ADAMTS3: variants seen among roughly 807,000 people sequenced by gnomAD.
The protein encoded by ADAMTS3 is ADAM metallopeptidase with thrombospondin type 1 motif 3.
Under a neutral mutation model 129.0 loss-of-function variants are expected in ADAMTS3, and 73 were observed. The observed-to-expected ratio is 0.57, with a 90% CI of 0.47 to 0.69. ADAMTS3 has a LOEUF of 0.69. ADAMTS3 is among the 30% of genes least tolerant of loss of function. The pLI is 0.00. For synonymous variants in ADAMTS3, 477 were observed against 510.8 expected (o/e 0.93, Z 0.89); for missense variants, 1,457 against 1,514.5 (o/e 0.96, Z 0.63).
chr4:72,554,291 T>C (rs1440934965), intron 2 of ADAMTS3, among the ~76,000 whole-genome samples: 17 of 152,222 alleles, frequency 1.1e-4, no homozygotes. Context: ...TCTATGTTAA[T>C]GTCAACCATG....
In ADAMTS3 at chr4:72,339,591, T is replaced by C. The variant is rs745684395; in HGVS notation, c.764A>G (p.Asp255Gly). The C allele has an allele frequency of 3.1e-6, 5 of 1,613,974 alleles. No homozygotes were observed. The highest frequency in any genetic ancestry group is 1.7e-4 in the Middle Eastern group (1 of 6,056). ...TCCCAGCAGTACCTCGATATTGTAA[T>C]CGTTTTCTCCCGCGTGTCTGCGGCG... ...MRRRRHAGEN[D>G]YNIEVLLGVD... The change falls in exon 5 of 22, where the codon GAT becomes GGT. Residue 255 changes from aspartate to glycine, a missense_variant. Coordinates refer to ENST00000286657, the MANE Select transcript of ADAMTS3 (RefSeq NM_014243.3).
chr4:72,392,344 A>G (rs902621612), intron 4 of ADAMTS3, among the ~76,000 whole-genome samples: 11 of 152,084 alleles, frequency 7.2e-5, no homozygotes, highest in Non-Finnish European at 1.5e-4. Flanking sequence ...CAGCCTTTAT[A>G]TTTCTATATC....
intron 21 of ADAMTS3, among the ~76,000 whole-genome samples, chr4:72,287,101 G>A (rs1718526196): frequency 6.6e-6 from 1 of 151,938 alleles, no homozygotes; most frequent in Non-Finnish European, 1.5e-5. Context: ...GCTTATGAAT[G>A]CAATTCATGC....
intron 4 of ADAMTS3, among the ~76,000 whole-genome samples, chr4:72,395,209 G>C (rs940293713): frequency 2.0e-5 from 3 of 152,154 alleles, no homozygotes; most frequent in African/African-American, 7.2e-5. Context: ...ACAGGTGGGA[G>C]CCCAGCTGCA....
At chr4:72,476,146 A>G (rs1221265129) in intron 3 of ADAMTS3, among the ~76,000 whole-genome samples, 1 of 152,018 alleles carries the variant, frequency 6.6e-6, no homozygotes. Flanking sequence ...TCAATAAATC[A>G]AAAAAGAAAA....
At chr4:72,360,206 C>A (rs931379572) in intron 4 of ADAMTS3, among the ~76,000 whole-genome samples, 7 of 152,126 alleles carry the variant, frequency 4.6e-5, no homozygotes, top group Non-Finnish European at 7.4e-5. Flanking sequence ...TAGAACGATG[C>A]CTTTTACACC....
Position 72,283,001 on chromosome 4 carries a change from T to C in ADAMTS3, c.*135A>G. 2.7e-6 allele frequency: 2 copies of C among 739,418 alleles called. No homozygotes were observed. The highest frequency in any genetic ancestry group is 4.3e-6 in the Non-Finnish European group (2 of 462,636). 45.8% of individuals were successfully genotyped at this position (739,418 alleles called of 1,614,324 possible). A position where few individuals can be genotyped will look rare whatever the true frequency, so the allele number is the denominator to read the frequency against. The stretch of plus-strand genomic sequence containing the variant: ...AAGCAACTAGAAAGTGAGCCAGCAC[T>C]TTCTGTTCTTCCAATTACAGATAAA... On this transcript the variant is annotated 3_prime_UTR_variant, in exon 22 of 22. Coordinates refer to ENST00000286657, the MANE Select transcript of ADAMTS3 (RefSeq NM_014243.3).
intron 3 of ADAMTS3, among the ~76,000 whole-genome samples, chr4:72,507,932 T>A (rs534740099): frequency 1.8e-4 from 27 of 152,328 alleles, no homozygotes; most frequent in African/African-American, 5.8e-4. Flanking sequence ...CTGCTTTACA[T>A]TTATGCTGAT....
chr4:72,498,297 T>C (rs1254272613), intron 3 of ADAMTS3, among the ~76,000 whole-genome samples: 1 of 151,968 alleles, frequency 6.6e-6, no homozygotes, highest in African/African-American at 2.4e-5. Flanking sequence ...GAAATCAGAT[T>C]TCCCAGCATC....
chr4:72,479,897 C>A (rs1719377434), intron 3 of ADAMTS3, among the ~76,000 whole-genome samples: 1 of 152,154 alleles, frequency 6.6e-6, no homozygotes, highest in Admixed American at 6.5e-5. Flanking sequence ...TATGAACAGA[C>A]ACTTCTCAAA....
At chr4:72,459,506 G>A (rs1224010880) in intron 3 of ADAMTS3, among the ~76,000 whole-genome samples, 2 of 151,498 alleles carry the variant, frequency 1.3e-5, no homozygotes, top group Non-Finnish European at 3.0e-5. Context: ...AGTCTGAACA[G>A]TTTTTCTACC....
chr4:72,403,964 G>C (rs1173806414), intron 4 of ADAMTS3, among the ~76,000 whole-genome samples: 1 of 152,026 alleles, frequency 6.6e-6, no homozygotes, highest in African/African-American at 2.4e-5. Context: ...AGAGAAAAGG[G>C]AAGGGATGGA....
rs78272430 is a variant in ADAMTS3 at position 72,337,709 on chromosome 4, T to C, written c.861+1785A>G. On this transcript the variant is annotated intron_variant, in intron 5 of 21. Transcript: ENST00000286657. ...TCATGATTGGATAACTATGGTCACATCTCCATTTTCTAAAGTGTTATAGCA... is the reference window on the plus strand; with the variant it reads ...TCATGATTGGATAACTATGGTCACACCTCCATTTTCTAAAGTGTTATAGCA... Among the ~76,000 whole-genome samples the C allele has an allele frequency of 7.9e-5, 12 of 152,272 alleles. No individual in the cohort carries two copies. In the East Asian group the frequency reaches 2.3e-3, roughly 29 times the overall value.
chr4:72,500,167 G>T (rs1719975139), intron 3 of ADAMTS3, among the ~76,000 whole-genome samples: 1 of 152,030 alleles, frequency 6.6e-6, no homozygotes. Flanking sequence ...GGGTTGAATG[G>T]TAGTTTAAAG....
Position 72,282,908 on chromosome 4 carries a change from A to T in ADAMTS3, c.*228T>A. On this transcript the variant is annotated 3_prime_UTR_variant, in exon 22 of 22. Transcript: ENST00000286657. ...TCTTAGCAACATATTTTTCTTTTGT[A>T]ATAATCTTTGGTGATTTCTTCCAAT... The T allele has an allele frequency of 2.5e-6, 1 of 402,214 alleles. No homozygotes were observed. The highest frequency in any genetic ancestry group is 4.4e-6 in the Non-Finnish European group (1 of 225,710). 24.9% of individuals were successfully genotyped at this position (402,214 alleles called of 1,614,324 possible).
intron 3 of ADAMTS3, among the ~76,000 whole-genome samples, chr4:72,512,473 C>G (rs148575164): frequency 6.6e-6 from 1 of 152,230 alleles, no homozygotes; most frequent in African/African-American, 2.4e-5. Flanking sequence ...GCCTGGGCAA[C>G]AGAGCAAGAC....
chr4:72,559,202 T>C (rs911733389), intron 2 of ADAMTS3, among the ~76,000 whole-genome samples: 3 of 151,860 alleles, frequency 2.0e-5, no homozygotes, highest in East Asian at 1.9e-4. Context: ...TTCCTTAACC[T>C]GTGTGAACTA....
In ADAMTS3 at chr4:72,548,556, C is replaced by A. The variant is rs766555989; in HGVS notation, c.426G>T (p.Leu142Phe). ...CACCAACATAAGCACAGTTAGTCTGCAAAGGCTCTGTTCTCCGGATTCTAT... is the reference window on the plus strand; with the variant it reads ...CACCAACATAAGCACAGTTAGTCTGAAAAGGCTCTGTTCTCCGGATTCTAT... Reference protein sequence around the residue: ...ATYRIRRTEPLQTNCAYVGDI... With the variant: ...ATYRIRRTEPFQTNCAYVGDI... Residue 142 changes from leucine (L) to phenylalanine (F), a missense_variant, in exon 3 of 22, where the codon TTG (leucine) becomes TTT (phenylalanine). Leu to Phe is a conservative substitution (Grantham distance 22, BLOSUM62 0). Coordinates refer to ENST00000286657, the MANE Select transcript of ADAMTS3 (RefSeq NM_014243.3). The A allele has an allele frequency of 7.4e-6, 12 of 1,613,808 alleles. No homozygotes were observed. Among genetic ancestry groups the A allele is most frequent in the Non-Finnish European group, 9.3e-6 (11 of 1,179,896 alleles).
intron 3 of ADAMTS3, among the ~76,000 whole-genome samples, chr4:72,425,420 G>C (rs1722546426): frequency 6.6e-6 from 1 of 151,978 alleles, no homozygotes; most frequent in South Asian, 2.1e-4. Context: ...TGCCATGTTG[G>C]TGTGCTGCAC....
Sources: allele counts gnomAD v4.1 joint callset (sites outside exome capture counted in the v4.1 genomes callset), GRCh38; gene constraint gnomAD v4.1.1; transcripts MANE v1.5; gene names NCBI Gene and HGNC (gene_info 2026-07-23, HGNC 2026-07-21).